PLXDC2: variants seen among roughly 807,000 people sequenced by gnomAD.
PLXDC2 encodes the protein plexin domain-containing protein 2.
Under a neutral mutation model 68.9 loss-of-function variants are expected in PLXDC2, and 40 were observed. That is an observed-to-expected ratio of 0.58 (90% CI 0.45 to 0.76). PLXDC2 has a LOEUF of 0.76. Ranked by LOEUF, PLXDC2 falls within the 30% of genes least tolerant of loss-of-function variation. The probability of loss-of-function intolerance (pLI) is 0.00; values close to 1 mark genes in which losing one functional copy is unlikely to be tolerated. For missense variants in PLXDC2, 644 were observed against 661.9 expected (o/e 0.97, Z 0.30); for synonymous variants, 243 against 234.2 (o/e 1.04, Z -0.34).
chr10:19,997,976 T>G (rs1834869914), intron 1 of PLXDC2, among the ~76,000 whole-genome samples: 1 of 152,230 alleles, frequency 6.6e-6, no homozygotes, highest in African/African-American at 2.4e-5. Flanking sequence ...AAGAGATGCA[T>G]TTAGTGTTTC....
At position 19,817,039 on chromosome 10, in the gene PLXDC2, C is replaced by G. The variant is rs571795302; in HGVS notation, c.-41C>G. The G allele has an allele frequency of 1.3e-4, 198 of 1,472,306 alleles. No homozygotes were observed. Among genetic ancestry groups the G allele is most frequent in the Non-Finnish European group, 1.8e-4 (195 of 1,087,132 alleles). 91.2% of individuals were successfully genotyped at this position (1,472,306 alleles called of 1,614,324 possible). A position where few individuals can be genotyped will look rare whatever the true frequency, so the allele number is the denominator to read the frequency against. On this transcript the variant is annotated 5_prime_UTR_variant, in exon 1 of 14. Coordinates refer to ENST00000377252, the MANE Select transcript of PLXDC2 (RefSeq NM_032812.9). ...TGCATCGGGAGCCCCCGAGCACCGG[C>G]GAAGGACTGGCGGGTGGGGTAGGGA...
At chr10:19,986,364 A>G (rs924426613) in intron 1 of PLXDC2, among the ~76,000 whole-genome samples, 1 of 152,158 alleles carries the variant, frequency 6.6e-6, no homozygotes, top group African/African-American at 2.4e-5. Flanking sequence ...AGTTTTCTAA[A>G]CAGGTATTTT....
chr10:19,837,851 T>C (rs1288772734), intron 1 of PLXDC2, among the ~76,000 whole-genome samples: 1 of 152,180 alleles, frequency 6.6e-6, no homozygotes, highest in Admixed American at 6.5e-5. Context: ...TGTTTTGGTT[T>C]AGTTTATTTC....
chr10:19,894,110 C>G (rs1304647769), intron 1 of PLXDC2, among the ~76,000 whole-genome samples: 1 of 152,084 alleles, frequency 6.6e-6, no homozygotes, highest in African/African-American at 2.4e-5. Flanking sequence ...GGCTATAGTG[C>G]AGAACTGTGA....
chr10:19,822,904 T>G (rs1836496962), intron 1 of PLXDC2, among the ~76,000 whole-genome samples: 1 of 152,150 alleles, frequency 6.6e-6, no homozygotes, highest in African/African-American at 2.4e-5. Context: ...TGCTAGTTTC[T>G]TTCTGGATGT....
intron 10 of PLXDC2, 25 bp downstream of exon 10, chr10:20,211,754 A>C (rs369881179): frequency 1.2e-6 from 2 of 1,606,672 alleles, no homozygotes; most frequent in African/African-American, 2.7e-5. Flanking sequence ...TTGTGACAGA[A>C]TCCTGGGACC....
intron 7 of PLXDC2, among the ~76,000 whole-genome samples, chr10:20,171,279 A>T (rs1380361736): frequency 2.6e-5 from 4 of 152,180 alleles, no homozygotes; most frequent in African/African-American, 9.6e-5. Context: ...TTAAAAACAG[A>T]TCAATCGACA....
intron 3 of PLXDC2, among the ~76,000 whole-genome samples, chr10:20,060,380 A>C (rs1318544905): frequency 2.0e-5 from 3 of 152,050 alleles, no homozygotes; most frequent in Non-Finnish European, 4.4e-5. Context: ...GCACGAAATG[A>C]CCATTGAGAA....
At chr10:19,925,341 A>T (rs180968418) in intron 1 of PLXDC2, among the ~76,000 whole-genome samples, 1 of 152,310 alleles carries the variant, frequency 6.6e-6, no homozygotes, top group Non-Finnish European at 1.5e-5. Context: ...GTTTTGAAAG[A>T]CATATGACAG....
chr10:20,181,978 C>T (rs1246403011), intron 9 of PLXDC2, among the ~76,000 whole-genome samples: 1 of 151,482 alleles, frequency 6.6e-6, no homozygotes, highest in Non-Finnish European at 1.5e-5. Context: ...CAATAGTGCA[C>T]AGGAGGTATG....
intron 13 of PLXDC2, among the ~76,000 whole-genome samples, chr10:20,278,907 G>C (rs1325468231): frequency 1.3e-5 from 2 of 152,084 alleles, no homozygotes; most frequent in Non-Finnish European, 2.9e-5. Flanking sequence ...AGTGTCTTTT[G>C]CTTTGATAAC....
chr10:19,957,093 C>T (rs1421579458), intron 1 of PLXDC2, among the ~76,000 whole-genome samples: 1 of 152,088 alleles, frequency 6.6e-6, no homozygotes, highest in Non-Finnish European at 1.5e-5. Context: ...TTTTATAAAT[C>T]ATAAAAAAGA....
intron 1 of PLXDC2, among the ~76,000 whole-genome samples, chr10:19,949,401 T>C (rs567806478): frequency 6.6e-6 from 1 of 152,236 alleles, no homozygotes; most frequent in Admixed American, 6.5e-5. Context: ...TCAAGGCTTG[T>C]CAGAGCAGAG....
intron 12 of PLXDC2, among the ~76,000 whole-genome samples, chr10:20,223,057 G>A (rs1289912432): frequency 1.3e-5 from 2 of 152,004 alleles, no homozygotes; most frequent in African/African-American, 4.8e-5. Context: ...GAGGAAGAAT[G>A]TTTATTGAAT....
chr10:20,184,129 A>G (rs886219051), intron 9 of PLXDC2, among the ~76,000 whole-genome samples: 3 of 151,854 alleles, frequency 2.0e-5, no homozygotes, highest in Non-Finnish European at 4.4e-5. Context: ...TGATGGAAAA[A>G]AGATATTTCC....
intron 4 of PLXDC2, among the ~76,000 whole-genome samples, chr10:20,107,293 C>T (rs989642242): frequency 6.6e-6 from 1 of 151,998 alleles, no homozygotes; most frequent in African/African-American, 2.4e-5. Flanking sequence ...AAAGCCTTCA[C>T]GAGGTTAGAA....
intron 1 of PLXDC2, among the ~76,000 whole-genome samples, chr10:19,973,417 G>A (rs915659135): frequency 7.0e-6 from 1 of 142,880 alleles, no homozygotes; most frequent in Non-Finnish European, 1.5e-5. Flanking sequence ...TTCTTGCAAT[G>A]CACTAATTAC....
intron 2 of PLXDC2, among the ~76,000 whole-genome samples, chr10:20,010,265 T>G (rs549666515): frequency 1.3e-5 from 2 of 152,318 alleles, no homozygotes; most frequent in East Asian, 1.9e-4. Context: ...TATTTCAGTC[T>G]TTTCTGTTTG....
chr10:20,092,545 A>G (rs1461336190), intron 4 of PLXDC2, among the ~76,000 whole-genome samples: 1 of 152,148 alleles, frequency 6.6e-6, no homozygotes, highest in Admixed American at 6.5e-5. Flanking sequence ...ATTTTGGACA[A>G]ATCTCACAGA....
Sources: gnomAD v4.1 joint callset for allele counts (sites outside exome capture counted in the v4.1 genomes callset) on GRCh38, gnomAD v4.1.1 for gene constraint, MANE v1.5 for transcripts, NCBI Gene and HGNC (gene_info 2026-07-23, HGNC 2026-07-21) for gene names.